Variants in APCDD1L observed in about 807,000 individuals in gnomAD.
APCDD1L encodes APC down-regulated 1 like, also known as protein APCDD1-like.
A neutral mutation model predicts 24.2 loss-of-function variants in APCDD1L; 21 were observed. The observed-to-expected ratio is 0.87, with a 90% CI of 0.61 to 1.25. The LOEUF (loss-of-function observed/expected upper bound fraction) is 1.25, where lower values mean the gene tolerates loss of function less well. APCDD1L is among the 50% of genes most tolerant of loss of function. The pLI, the probability that APCDD1L is intolerant of heterozygous loss-of-function variation, is 0.00. For missense variants in APCDD1L, 704 were observed against 711.7 expected (o/e 0.99, Z 0.12); for synonymous variants, 321 against 323.6 (o/e 0.99, Z 0.09).
chr20:58,490,345 C>T (rs1387344620), intron 1 of APCDD1L, among the ~76,000 whole-genome samples: 1 of 152,222 alleles, frequency 6.6e-6, no homozygotes, highest in East Asian at 1.9e-4. Context: ...CTCTCCACTG[C>T]CCCATGGTTC....
chr20:58,466,313 A>G (rs1989703723), intron 3 of APCDD1L, among the ~76,000 whole-genome samples: 1 of 152,200 alleles, frequency 6.6e-6, no homozygotes, highest in Non-Finnish European at 1.5e-5. Flanking sequence ...CACCCCGGAC[A>G]GCTTGCTGGA....
intron 1 of APCDD1L, among the ~76,000 whole-genome samples, chr20:58,513,169 G>A (rs976669764): frequency 6.6e-6 from 1 of 152,138 alleles, no homozygotes; most frequent in African/African-American, 2.4e-5. Context: ...TGGAGGAGGC[G>A]GATGAGAGCA....
chr20:58,467,833 C>T lies in APCDD1L; in HGVS notation c.189-175G>A, dbSNP rs114020759. 0.019 allele frequency among the ~76,000 whole-genome samples: 2,857 copies of T among 152,294 alleles called. 94 individuals carry two copies. The highest frequency in any genetic ancestry group is 0.063 in the African/African-American group (2,604 of 41,566). On this transcript the variant is annotated intron_variant, in intron 2 of 3. Coordinates refer to ENST00000371149, the MANE Select transcript of APCDD1L (RefSeq NM_153360.3). The surrounding 1 kb of genome is among the most constrained non-coding windows in gnomAD (Gnocchi z 5.9). Reference sequence around the variant, plus strand: ...TGCTCGCAGTCAGGCACCCTTGGGGCTGGGGCTTTGCACTGGATGCCTCGT... The same window carrying T: ...TGCTCGCAGTCAGGCACCCTTGGGGTTGGGGCTTTGCACTGGATGCCTCGT...
At chr20:58,506,914 G>A (rs534300977) in intron 1 of APCDD1L, among the ~76,000 whole-genome samples, 1 of 152,286 alleles carries the variant, frequency 6.6e-6, no homozygotes, top group South Asian at 2.1e-4. Context: ...TCACTGGAGG[G>A]TGGCAGTTGA....
At position 58,461,650 on chromosome 20, in the gene APCDD1L, C is replaced by G; in HGVS notation, c.742-96G>C. 1 of 1,268,694 alleles carries G rather than the reference C, an allele frequency of 7.9e-7. No homozygotes were observed. The highest frequency in any genetic ancestry group is 1.0e-6 in the Non-Finnish European group (1 of 986,888). 78.6% of individuals were successfully genotyped at this position (1,268,694 alleles called of 1,614,324 possible). Reference sequence around the variant, plus strand: ...CCCCAGCTCTGTAGGGGTGTCAAGGCAGGGTGAGGTGCGGCCTGTCCCTCC... The same window carrying G: ...CCCCAGCTCTGTAGGGGTGTCAAGGGAGGGTGAGGTGCGGCCTGTCCCTCC... On this transcript the variant is annotated intron_variant, in intron 3 of 3. Transcript: ENST00000371149. This position sits in a 1 kb window ranked among gnomAD's most constrained non-coding sequence, Gnocchi z 6.0.
intron 1 of APCDD1L, among the ~76,000 whole-genome samples, chr20:58,491,538 T>C (rs544906221): frequency 2.9e-4 from 44 of 152,150 alleles, no homozygotes; most frequent in Non-Finnish European, 5.6e-4. Context: ...TTTATAAAAA[T>C]ATGCAAGATG....
At chr20:58,485,530 AT>A (rs1278766214) in intron 1 of APCDD1L, among the ~76,000 whole-genome samples, 1 of 152,208 alleles carries the variant, frequency 6.6e-6, no homozygotes, top group Non-Finnish European at 1.5e-5. Flanking sequence ...TAATCAGCAT[AT>A]ACTCCATTAA....
At chr20:58,504,790 T>C (rs576073993) in intron 1 of APCDD1L, among the ~76,000 whole-genome samples, 2 of 152,252 alleles carry the variant, frequency 1.3e-5, no homozygotes, top group East Asian at 3.9e-4. Context: ...CCCAAATCCA[T>C]TCCCAGGAAC....
chr20:58,494,859 G>A lies in APCDD1L; in HGVS notation c.49+19800C>T, dbSNP rs187909747. ...CCACACCCCACTTGTACCCACCCTG[G>A]GGCCTGTGCACTTGCCGGTCTGTCT... On this transcript the variant is annotated intron_variant, in intron 1 of 3. Transcript: ENST00000371149. The surrounding 1 kb of genome is among the most constrained non-coding windows in gnomAD (Gnocchi z 4.8). 3.3e-5 allele frequency among the ~76,000 whole-genome samples: 5 copies of A among 152,160 alleles called. No individual in the cohort carries two copies. The highest frequency in any genetic ancestry group is 5.9e-5 in the Non-Finnish European group (4 of 68,016).
Position 58,515,048 on chromosome 20 carries a change from C to A in APCDD1L, c.-341G>T. The A allele has an allele frequency of 4.1e-6, 1 of 245,326 alleles. No individual in the cohort carries two copies. The highest frequency in any genetic ancestry group is 7.8e-6 in the Non-Finnish European group (1 of 128,768). 15.2% of individuals were successfully genotyped at this position (245,326 alleles called of 1,614,324 possible). ...CCCCAGATGTCCGTCCCCTGGCCGT[C>A]GCCTTCCCCAAAGTCTTCGCAGTGG... is the stretch of plus-strand genomic sequence containing the variant. On this transcript the variant is annotated 5_prime_UTR_variant, in exon 1 of 4. Transcript: ENST00000371149.
intron 1 of APCDD1L, among the ~76,000 whole-genome samples, chr20:58,473,246 C>A (rs571833624): frequency 6.6e-6 from 1 of 151,094 alleles, no homozygotes; most frequent in East Asian, 1.9e-4. Context: ...CTTTTTTTTT[C>A]CCCCTGCACC....
chr20:58,501,912 G>A (rs1990443872), intron 1 of APCDD1L, among the ~76,000 whole-genome samples: 1 of 152,128 alleles, frequency 6.6e-6, no homozygotes, highest in Admixed American at 6.5e-5. Flanking sequence ...TCCTTCAGTT[G>A]GTTCCTCTCA....
At chr20:58,464,437 T>C (rs1010480767) in intron 3 of APCDD1L, among the ~76,000 whole-genome samples, 3 of 152,210 alleles carry the variant, frequency 2.0e-5, no homozygotes, top group East Asian at 3.8e-4. Flanking sequence ...CCCGGCTCCA[T>C]GGGAAATCTT....
rs1989546999 is a variant in APCDD1L at position 58,459,111 on chromosome 20, T to C, written c.*1679A>G. 6.6e-6 allele frequency: 1 copy of C among 152,260 alleles called. No homozygotes were observed. Among genetic ancestry groups the C allele is most frequent in the Admixed American group, 6.5e-5 (1 of 15,288 alleles). 9.4% of individuals were successfully genotyped at this position (152,260 alleles called of 1,614,324 possible). On this transcript the variant is annotated 3_prime_UTR_variant, in exon 4 of 4. Transcript: ENST00000371149. ...TAACCAGCAAGAACATTTTTCAGGC[T>C]GTTTAATTTTATTAAAAGGTTCAAA...
At chr20:58,511,423 C>G (rs1215155848) in intron 1 of APCDD1L, among the ~76,000 whole-genome samples, 1 of 152,224 alleles carries the variant, frequency 6.6e-6, no homozygotes, top group Non-Finnish European at 1.5e-5. Context: ...TGGCTTTAAG[C>G]TTTCATTAGC....
intron 1 of APCDD1L, among the ~76,000 whole-genome samples, chr20:58,482,733 C>T (rs1990046716): frequency 6.6e-6 from 1 of 152,136 alleles, no homozygotes; most frequent in African/African-American, 2.4e-5. Flanking sequence ...GTGATGACTG[C>T]CTCCATCTTA....
chr20:58,505,099 C>T (rs896054324), intron 1 of APCDD1L, among the ~76,000 whole-genome samples: 2 of 152,178 alleles, frequency 1.3e-5, no homozygotes, highest in African/African-American at 4.8e-5. Context: ...ATAATTCCCC[C>T]TCCCAGAGAT....
chr20:58,463,885 GTT>G (rs373952310), intron 3 of APCDD1L, among the ~76,000 whole-genome samples: 4 of 49,138 alleles, frequency 8.1e-5, no homozygotes, highest in African/African-American at 3.5e-4. Context: ...ATTGAGAACA[GTT>G]TTTTTTTGGG....
At chr20:58,502,882 T>A (rs1484462882) in intron 1 of APCDD1L, among the ~76,000 whole-genome samples, 2 of 152,216 alleles carry the variant, frequency 1.3e-5, no homozygotes, top group African/African-American at 4.8e-5. Context: ...TATTCCACGT[T>A]CTTGTTGAAG....
Sources: gnomAD v4.1 joint callset for allele counts (sites outside exome capture counted in the v4.1 genomes callset) on GRCh38, gnomAD v4.1.1 for gene constraint, Gnocchi (gnomAD v3.1) non-coding constraint, MANE v1.5 for transcripts, NCBI Gene and HGNC (gene_info 2026-07-23, HGNC 2026-07-21) for gene names.